Variants in SMAP1 observed in about 807,000 individuals in gnomAD.
SMAP1 encodes stromal membrane-associated protein 1.
A neutral mutation model predicts 58.5 loss-of-function variants in SMAP1; 24 were observed. The ratio of observed to expected loss-of-function variants is 0.41; its 90% CI spans 0.30 to 0.58. The LOEUF is 0.58. Among genes scored for constraint, SMAP1 ranks in the 20% least tolerant of loss-of-function variants. SMAP1 has a pLI of 0.29. For synonymous variants in SMAP1, 216 were observed against 196.6 expected, an observed-to-expected ratio of 1.10 and a Z score of -0.82; for missense variants, 563 against 566.3, an observed-to-expected ratio of 0.99 and a Z score of 0.06.
rs1453667705 is a variant in SMAP1 at position 70,857,996 on chromosome 6, G to A, written c.1036G>A (p.Gly346Ser). 1.2e-6 allele frequency: 2 copies of A among 1,614,008 alleles called. No individual in the cohort carries two copies. The highest frequency in any genetic ancestry group is 2.7e-5 in the African/African-American group (2 of 74,918). ...PAAFQGFPSM[G>S]VPVPAAPGLI... is the part of the protein sequence containing the mutation. ...TGCATTTCAGGGCTTTCCATCGATG[G>A]GCGTGCCTGTGCCTGCAGCTCCTGG... Residue 346 changes from glycine to serine, a missense_variant, in exon 10 of 11, where the codon GGC becomes AGC. Physicochemically the swap from Gly to Ser is moderately conservative, Grantham distance 56 (BLOSUM62 0). Transcript: ENST00000370455.
intron 4 of SMAP1, among the ~76,000 whole-genome samples, chr6:70,789,592 CTT>C (rs200041762): frequency 6.6e-5 from 9 of 135,662 alleles, no homozygotes; most frequent in Non-Finnish European, 1.1e-4. Context: ...TTTCTTTTTT[CTT>C]TTTTTTTTTT....
chr6:70,740,284 A>G (rs1408689495), intron 2 of SMAP1, among the ~76,000 whole-genome samples: 1 of 152,020 alleles, frequency 6.6e-6, no homozygotes, highest in East Asian at 1.9e-4. Context: ...CCATGGCTGG[A>G]GGCGGTGGCT....
chr6:70,826,012 C>A (rs556401436), intron 6 of SMAP1, among the ~76,000 whole-genome samples: 36 of 152,162 alleles, frequency 2.4e-4, no homozygotes, highest in African/African-American at 8.4e-4. Context: ...TTTTTGTATC[C>A]CTAGTGCTTA....
rs932003526 is a variant in SMAP1 at position 70,805,713 on chromosome 6, G to C, written c.576+6976G>C. ...TGTGGATGTCCTTTTTGTTGACATTGATGCTATTCCTTTCTGTTTGTTGGT... is the reference window on the plus strand; with the variant it reads ...TGTGGATGTCCTTTTTGTTGACATTCATGCTATTCCTTTCTGTTTGTTGGT... On this transcript the variant is annotated intron_variant, in intron 6 of 10. Coordinates refer to ENST00000370455, the MANE Select transcript of SMAP1 (RefSeq NM_001044305.3). 2.0e-5 allele frequency among the ~76,000 whole-genome samples: 3 copies of C among 152,178 alleles called. No individual in the cohort carries two copies. In the South Asian group the frequency reaches 6.2e-4, roughly 32 times the overall value.
Position 70,857,112 on chromosome 6 carries a change from C to A in SMAP1, c.961+82C>A, listed in dbSNP as rs564892493. 1.4e-5 allele frequency: 19 copies of A among 1,329,820 alleles called. No homozygotes were observed. The African/African-American group carries it at 2.8e-4, about 20-fold the overall frequency. The allele number at this position is 1,329,820 out of a possible 1,614,324, so 82.4% of individuals were successfully genotyped here. ...TTATATAATAAGATCAATTATATAT[C>A]TTTTATTGTTCCATGTAGTGAGTGC... is the stretch of plus-strand genomic sequence containing the variant. On this transcript the variant is annotated intron_variant, in intron 9 of 10. Coordinates refer to ENST00000370455, the MANE Select transcript of SMAP1 (RefSeq NM_001044305.3).
At chr6:70,785,743 G>C (rs904836895) in intron 4 of SMAP1, among the ~76,000 whole-genome samples, 122 of 152,246 alleles carry the variant, frequency 8.0e-4, no homozygotes, top group East Asian at 2.3e-3. Flanking sequence ...CCTCCCAAGA[G>C]TAAACCAGGA....
intron 6 of SMAP1, among the ~76,000 whole-genome samples, chr6:70,804,979 T>C (rs933812146): frequency 1.3e-5 from 2 of 152,006 alleles, no homozygotes; most frequent in Non-Finnish European, 1.5e-5. Context: ...ATTATGTGTC[T>C]TGGGTTGCTC....
chr6:70,729,459 T>TTGTGTGTGTGTGTGTG (rs35058846), intron 1 of SMAP1, among the ~76,000 whole-genome samples: 2,469 of 128,072 alleles, frequency 0.019, 42 homozygotes, highest in South Asian at 0.029. Flanking sequence ...AAAAAGAAGG[T>TTGTGTGTGTGTGTGTG]TGTGTGTGTG....
At chr6:70,714,535 G>A (rs943500654) in intron 1 of SMAP1, among the ~76,000 whole-genome samples, 1 of 151,826 alleles carries the variant, frequency 6.6e-6, no homozygotes, top group Non-Finnish European at 1.5e-5. Context: ...TAGATCTATT[G>A]TATTATGTAT....
At chr6:70,850,511 T>C (rs1257348846) in intron 7 of SMAP1, among the ~76,000 whole-genome samples, 1 of 151,728 alleles carries the variant, frequency 6.6e-6, no homozygotes, top group Non-Finnish European at 1.5e-5. Flanking sequence ...TATTTGAGTT[T>C]AAATTTTATA....
intron 1 of SMAP1, among the ~76,000 whole-genome samples, chr6:70,686,950 A>G (rs552614777): frequency 6.6e-6 from 1 of 152,212 alleles, no homozygotes; most frequent in African/African-American, 2.4e-5. Flanking sequence ...TATTGACCTA[A>G]TATACTGATG....
In SMAP1 at chr6:70,860,365, C is replaced by G. The variant is rs1428547529; in HGVS notation, c.*31C>G. ...GCAATACAAGTTTCATCCAGAACTA[C>G]CACCTGACATTCCTTGCTGAAACGC... On this transcript the variant is annotated 3_prime_UTR_variant, in exon 11 of 11. Coordinates refer to ENST00000370455, the MANE Select transcript of SMAP1 (RefSeq NM_001044305.3). 1.0e-5 allele frequency: 16 copies of G among 1,585,462 alleles called. No individual in the cohort carries two copies. The highest frequency in any genetic ancestry group is 1.4e-5 in the African/African-American group (1 of 73,858).
At chr6:70,677,226 T>C (rs1421229700) in intron 1 of SMAP1, among the ~76,000 whole-genome samples, 1 of 149,338 alleles carries the variant, frequency 6.7e-6, no homozygotes, top group Non-Finnish European at 1.5e-5. Flanking sequence ...ATACTGGTCA[T>C]CTACCTGGGC....
chr6:70,810,350 A>G (rs955873395), intron 6 of SMAP1, among the ~76,000 whole-genome samples: 8 of 152,208 alleles, frequency 5.3e-5, no homozygotes, highest in African/African-American at 1.7e-4. Context: ...CTGCTTCCCC[A>G]TAATATTCAA....
chr6:70,798,268 G>GTTT (rs748111672), intron 5 of SMAP1, among the ~76,000 whole-genome samples: 1 of 142,336 alleles, frequency 7.0e-6, no homozygotes, highest in African/African-American at 2.6e-5. Flanking sequence ...CTATCACTTA[G>GTTT]TTTTTTTTTT....
intron 3 of SMAP1, among the ~76,000 whole-genome samples, chr6:70,765,617 TATG>T (rs574583949): frequency 5.3e-5 from 8 of 152,182 alleles, no homozygotes; most frequent in Non-Finnish European, 1.0e-4. Context: ...AAACAACAAA[TATG>T]ATGGGCTTCC....
intron 5 of SMAP1, 98 bp downstream of exon 5, chr6:70,791,867 A>G: frequency 1.1e-6 from 1 of 935,664 alleles, no homozygotes; most frequent in Non-Finnish European, 1.6e-6. Flanking sequence ...ATAGTTGTTG[A>G]TATTTTGAAT....
intron 7 of SMAP1, among the ~76,000 whole-genome samples, chr6:70,852,031 G>A (rs554119803): frequency 6.6e-6 from 1 of 151,968 alleles, no homozygotes; most frequent in African/African-American, 2.4e-5. Flanking sequence ...TTCCATGGTA[G>A]GTAAAAATGA....
chr6:70,679,252 C>T (rs1023220175), intron 1 of SMAP1, among the ~76,000 whole-genome samples: 5 of 152,014 alleles, frequency 3.3e-5, no homozygotes, highest in African/African-American at 4.8e-5. Flanking sequence ...CCCCTGACCT[C>T]GAGTGATTCG....
Sources: gnomAD v4.1 joint callset for allele counts (sites outside exome capture counted in the v4.1 genomes callset) on GRCh38, gnomAD v4.1.1 for gene constraint, MANE v1.5 for transcripts, NCBI Gene and HGNC (gene_info 2026-07-23, HGNC 2026-07-21) for gene names.